The following DPP10 variants were observed in gnomAD, a reference collection of about 807,000 sequenced individuals.
DPP10 encodes inactive dipeptidyl peptidase 10.
Under a neutral mutation model 120.9 loss-of-function variants are expected in DPP10, and 33 were observed. That is an observed-to-expected ratio of 0.27 (90% CI 0.21 to 0.37). The LOEUF is 0.37. Ranked by LOEUF, DPP10 falls within the 10% of genes least tolerant of loss-of-function variation. DPP10 has a pLI of 1.00. For synonymous variants in DPP10, 337 were observed against 326.1 expected (o/e 1.03, Z -0.36); for missense variants, 816 against 942.8 (o/e 0.87, Z 1.76).
intron 1 of DPP10, among the ~76,000 whole-genome samples, chr2:114,722,947 T>C (rs1421415245): frequency 6.6e-6 from 1 of 152,066 alleles, no homozygotes; most frequent in East Asian, 1.9e-4. Flanking sequence ...TTTTTTTCAG[T>C]CCAGCTTGTT....
intron 5 of DPP10, among the ~76,000 whole-genome samples, chr2:115,682,778 T>C (rs1338659849): frequency 1.3e-5 from 2 of 151,890 alleles, no homozygotes; most frequent in African/African-American, 4.8e-5. Context: ...ATATATCAAA[T>C]AAAAACGTGT....
At chr2:115,302,360 C>G (rs917645007) in intron 1 of DPP10, among the ~76,000 whole-genome samples, 1 of 152,040 alleles carries the variant, frequency 6.6e-6, no homozygotes, top group Middle Eastern at 3.4e-3. Flanking sequence ...TGAATTGCAA[C>G]TCATATAATT....
At chr2:115,406,871 G>T (rs548370853) in intron 3 of DPP10, among the ~76,000 whole-genome samples, 1 of 152,070 alleles carries the variant, frequency 6.6e-6, no homozygotes, top group Non-Finnish European at 1.5e-5. Flanking sequence ...TTAATTGATA[G>T]AGAAAGAACA....
chr2:114,931,607 C>A (rs1369286615), intron 1 of DPP10, among the ~76,000 whole-genome samples: 1 of 152,162 alleles, frequency 6.6e-6, no homozygotes, highest in Non-Finnish European at 1.5e-5. Context: ...TTTACGGAGA[C>A]AAACATCCAA....
intron 19 of DPP10, among the ~76,000 whole-genome samples, chr2:115,802,900 A>G (rs1268002516): frequency 2.0e-5 from 3 of 152,128 alleles, no homozygotes; most frequent in African/African-American, 4.8e-5. Flanking sequence ...AAAAGAATGT[A>G]TATTCTGTTG....
At chr2:115,373,038 A>G (rs573813961) in intron 3 of DPP10, among the ~76,000 whole-genome samples, 10 of 152,214 alleles carry the variant, frequency 6.6e-5, no homozygotes, top group Non-Finnish European at 1.5e-4. Context: ...GAGCTACGGT[A>G]AGAATAGTAT....
At chr2:115,280,670 T>C (rs1431475509) in intron 1 of DPP10, among the ~76,000 whole-genome samples, 1 of 152,210 alleles carries the variant, frequency 6.6e-6, no homozygotes, top group East Asian at 1.9e-4. Context: ...CTTGGGGCAT[T>C]AGCCTTTGCT....
intron 1 of DPP10, among the ~76,000 whole-genome samples, chr2:114,514,827 G>A (rs1180923860): frequency 1.3e-5 from 2 of 151,506 alleles, no homozygotes; most frequent in Non-Finnish European, 2.9e-5. Flanking sequence ...AGCAGGTGAG[G>A]GTTCCATCAG....
At chr2:114,939,842 C>T (rs1696765239) in intron 1 of DPP10, among the ~76,000 whole-genome samples, 1 of 152,078 alleles carries the variant, frequency 6.6e-6, no homozygotes, top group Admixed American at 6.6e-5. Flanking sequence ...ATGGCTCATA[C>T]CAAATATGTT....
At chr2:115,562,099 A>G (rs1302254712) in intron 5 of DPP10, among the ~76,000 whole-genome samples, 16 of 152,152 alleles carry the variant, frequency 1.1e-4, no homozygotes, top group East Asian at 9.6e-4. Context: ...CTTGTTCCTC[A>G]TTGCTACTTC....
intron 1 of DPP10, among the ~76,000 whole-genome samples, chr2:114,649,830 AT>A (rs1696443175): frequency 6.6e-6 from 1 of 151,506 alleles, no homozygotes; most frequent in African/African-American, 2.4e-5. Context: ...TTTTTTCATC[AT>A]TGATCTTTAA....
intron 1 of DPP10, among the ~76,000 whole-genome samples, chr2:115,137,101 G>A (rs1028170675): frequency 6.6e-6 from 1 of 152,142 alleles, no homozygotes; most frequent in Non-Finnish European, 1.5e-5. Context: ...GGGAGGGAGA[G>A]AGGAGTTGGT....
intron 11 of DPP10, among the ~76,000 whole-genome samples, chr2:115,757,543 C>G (rs1679578086): frequency 6.6e-6 from 1 of 152,024 alleles, no homozygotes; most frequent in African/African-American, 2.4e-5. Context: ...AGATTCGCCC[C>G]CGTAATTCAA....
rs542422561 is a variant in DPP10 at position 114,697,217 on chromosome 2, AT to A, written c.60+254383del. 6.5e-3 allele frequency among the ~76,000 whole-genome samples: 991 copies of A among 152,068 alleles called. 5 individuals carry two copies. Among genetic ancestry groups the A allele is most frequent in the Non-Finnish European group, 0.01 (685 of 67,966 alleles). The stretch of plus-strand genomic sequence containing the variant: ...AAGTTACCAGATATAGCTTTTTGAA[AT>A]TTTCTGCCTGGGTTAAAATTACAGT... On this transcript the variant is annotated intron_variant, in intron 1 of 25. Coordinates refer to ENST00000410059, the MANE Select transcript of DPP10 (RefSeq NM_020868.6).
chr2:115,559,166 A>G (rs553005302), intron 5 of DPP10, among the ~76,000 whole-genome samples: 4 of 152,330 alleles, frequency 2.6e-5, no homozygotes, highest in East Asian at 3.9e-4. Context: ...TATTCACTAC[A>G]TTACTGAACA....
At chr2:115,111,693 T>G (rs2049229655) in intron 1 of DPP10, among the ~76,000 whole-genome samples, 1 of 152,118 alleles carries the variant, frequency 6.6e-6, no homozygotes, top group African/African-American at 2.4e-5. Flanking sequence ...GAAGGCAAGC[T>G]TCAGGCCTGA....
chr2:115,056,315 G>A (rs1263619969), intron 1 of DPP10, among the ~76,000 whole-genome samples: 2 of 152,046 alleles, frequency 1.3e-5, no homozygotes, highest in Non-Finnish European at 2.9e-5. Flanking sequence ...TTATGTGTAG[G>A]GTCTGGTAAA....
Position 115,060,539 on chromosome 2 carries a change from C to T in DPP10, c.61-248700C>T, listed in dbSNP as rs1171011822. Among the ~76,000 whole-genome samples the T allele has an allele frequency of 2.6e-5, 4 of 152,128 alleles. No individual in the cohort carries two copies. In the East Asian group the frequency reaches 5.8e-4, roughly 22 times the overall value. On this transcript the variant is annotated intron_variant, in intron 1 of 25. Transcript: ENST00000410059. ...CCTGGAACTTCGAGACTGCAGTGAG[C>T]GGAGACTGTGCCACTGCATTCCAAC...
chr2:115,472,577 A>T (rs1214036669), intron 3 of DPP10, among the ~76,000 whole-genome samples: 1 of 152,174 alleles, frequency 6.6e-6, no homozygotes, highest in Admixed American at 6.5e-5. Flanking sequence ...ACATGTGCCT[A>T]ATTGCTACCT....
Sources: allele counts gnomAD v4.1 joint callset (sites outside exome capture counted in the v4.1 genomes callset), GRCh38; gene constraint gnomAD v4.1.1; transcripts MANE v1.5; gene names NCBI Gene and HGNC (gene_info 2026-07-23, HGNC 2026-07-21).